Variants in LUC7L observed in about 807,000 individuals in gnomAD.
LUC7L encodes LUC7 like.
In LUC7L, 29 loss-of-function variants were observed where a neutral mutation model predicts 51.1. That is an observed-to-expected ratio of 0.57 (90% CI 0.42 to 0.77). The LOEUF (loss-of-function observed/expected upper bound fraction) is 0.77, where lower values mean the gene tolerates loss of function less well. Ranked by LOEUF, LUC7L falls within the 30% of genes least tolerant of loss-of-function variation. The probability of loss-of-function intolerance (pLI) is 0.00; values close to 1 mark genes in which losing one functional copy is unlikely to be tolerated. For synonymous variants in LUC7L, 181 were observed against 180.7 expected (o/e 1.00, Z -0.01); for missense variants, 403 against 511.9 (o/e 0.79, Z 2.05).
intron 8 of LUC7L, 74 bp downstream of exon 8, chr16:190,467 T>C (rs2048982629): frequency 3.9e-5 from 57 of 1,467,714 alleles, no homozygotes; most frequent in Non-Finnish European, 4.6e-5. Context: ...TGTAAAGGCA[T>C]AATCATTAAA....
chr16:191,953 A>G (rs1425604995), intron 7 of LUC7L, among the ~76,000 whole-genome samples: 1 of 152,106 alleles, frequency 6.6e-6, no homozygotes, highest in African/African-American at 2.4e-5. Flanking sequence ...GAGGATGTGG[A>G]TACTTCTGGC....
At position 205,993 on chromosome 16, in the gene LUC7L, A is replaced by C. The variant is rs758451429; in HGVS notation, c.510+11T>G. 1.9e-6 allele frequency: 3 copies of C among 1,607,676 alleles called. No homozygotes were observed. In the Admixed American group the frequency reaches 5.2e-5, roughly 28 times the overall value. Reference sequence around the variant, plus strand: ...AGATTTCTCTTGCCCTAAGGCACTTATCTCACCAACCTCAGCTTCTTTTTT... The same window carrying C: ...AGATTTCTCTTGCCCTAAGGCACTTCTCTCACCAACCTCAGCTTCTTTTTT... On this transcript the variant is annotated intron_variant, in intron 5 of 9. Transcript: ENST00000293872.
chr16:221,080 C>G (rs910314511), intron 2 of LUC7L, among the ~76,000 whole-genome samples: 1 of 151,868 alleles, frequency 6.6e-6, no homozygotes, highest in Non-Finnish European at 1.5e-5. Context: ...AGTACAGTGG[C>G]GCGACCTCAG....
intron 2 of LUC7L, 44 bp from the exon 3 acceptor site, chr16:220,791 C>T: frequency 7.6e-7 from 1 of 1,307,710 alleles, no homozygotes; most frequent in South Asian, 1.2e-5. Flanking sequence ...TGCCTACCTA[C>T]TGTAGAAAGC....
chr16:228,468 T>C, intron 1 of LUC7L: 2 of 1,251,390 alleles, frequency 1.6e-6, no homozygotes, highest in Non-Finnish European at 2.1e-6. Context: ...TGGGAAGCAA[T>C]TCAAAAGCAA....
chr16:203,636 A>G (rs1011007137), intron 5 of LUC7L, among the ~76,000 whole-genome samples: 4 of 150,580 alleles, frequency 2.7e-5, no homozygotes, highest in Non-Finnish European at 4.4e-5. Context: ...TGAGCCCAGG[A>G]GATCAAGCCT....
At chr16:207,667 G>A (rs924601254) in intron 4 of LUC7L, among the ~76,000 whole-genome samples, 1 of 151,888 alleles carries the variant, frequency 6.6e-6, no homozygotes, top group Middle Eastern at 3.2e-3. Flanking sequence ...CTTAACTGGA[G>A]TAAGGCAGAG....
At chr16:228,504 G>A in intron 1 of LUC7L, 1 of 1,230,432 alleles carries the variant, frequency 8.1e-7, no homozygotes, top group Non-Finnish European at 1.0e-6. Flanking sequence ...AAGCTAAAAA[G>A]CACTTATTCA....
intron 1 of LUC7L, chr16:228,867 C>G: frequency 1.1e-5 from 14 of 1,305,962 alleles, no homozygotes; most frequent in Non-Finnish European, 1.4e-5. Flanking sequence ...GCCCATCCGG[C>G]TCCCTCGGGT....
At chr16:229,059 G>A (rs531781079) in intron 1 of LUC7L, 4 of 1,418,744 alleles carry the variant, frequency 2.8e-6, no homozygotes, top group Non-Finnish European at 3.7e-6. Flanking sequence ...CCCATCCATG[G>A]CGCAGACTCC....
chr16:224,710 A>G (rs777902012), intron 2 of LUC7L, among the ~76,000 whole-genome samples: 81 of 145,438 alleles, frequency 5.6e-4, no homozygotes, highest in Admixed American at 1.8e-3. Context: ...GCGGGCGCCT[A>G]TAATCCCAGC....
In LUC7L at chr16:208,185, T is replaced by C. The variant is rs141056928; in HGVS notation, c.259A>G (p.Met87Val). The change falls in exon 4 of 10, where the codon ATG becomes GTG. Residue 87 changes from methionine (M) to valine (V), a missense_variant. Coordinates refer to ENST00000293872, the MANE Select transcript of LUC7L (RefSeq NM_201412.3). ...GCAATAAAGGACTCCAAGTGATCCA[T>C]TGCCTAGCACGGGAAAAGCACAGCG... ...ERDLFFELDA[M>V]DHLESFIAEC... is the part of the protein sequence containing the mutation. The C allele has an allele frequency of 8.9e-4, 1,438 of 1,607,154 alleles. 1 individual carries two copies. Among genetic ancestry groups the C allele is most frequent in the Admixed American group, 1.4e-3 (85 of 59,676 alleles).
intron 2 of LUC7L, among the ~76,000 whole-genome samples, chr16:221,194 T>C (rs907354757): frequency 4.0e-5 from 2 of 50,360 alleles, no homozygotes; most frequent in African/African-American, 6.2e-5. Context: ...TAATTTTTTT[T>C]TTTTTTTTTT....
At chr16:206,338 A>G (rs2049483533) in intron 4 of LUC7L, among the ~76,000 whole-genome samples, 191 bp from the exon 5 acceptor site, 1 of 152,216 alleles carries the variant, frequency 6.6e-6, no homozygotes, top group South Asian at 2.1e-4. Context: ...GTTCCAATGA[A>G]ACCAGTGGCA....
In LUC7L at chr16:189,252, G is replaced by A; in HGVS notation, c.1062C>T (p.Ser354=). The A allele has an allele frequency of 6.2e-7, 1 of 1,613,938 alleles. No homozygotes were observed. The highest frequency in any genetic ancestry group is 1.1e-5 in the South Asian group (1 of 91,042). ...ACCTCCGTGAAGCCATCTTCCCGTTGGAGCTCTCAAGCCTCCAGTCCGGGG... is the reference window on the plus strand; with the variant it reads ...ACCTCCGTGAAGCCATCTTCCCGTTAGAGCTCTCAAGCCTCCAGTCCGGGG... ...RGPPDWRLES[S]NGKMASRRSE... Residue 354 remains serine, a synonymous_variant, in exon 10 of 10, where the codon TCC becomes TCT. Coordinates refer to ENST00000293872, the MANE Select transcript of LUC7L (RefSeq NM_201412.3).
intron 7 of LUC7L, 62 bp downstream of exon 7, chr16:192,865 T>A: frequency 1.4e-6 from 2 of 1,398,138 alleles, no homozygotes; most frequent in South Asian, 1.1e-5. Context: ...AACAGTGGAA[T>A]GGACCGAGCA....
chr16:213,860 G>T (rs773285608), intron 3 of LUC7L, among the ~76,000 whole-genome samples: 30 of 152,000 alleles, frequency 2.0e-4, no homozygotes, highest in Non-Finnish European at 3.8e-4. Flanking sequence ...GATTACAGGT[G>T]CCCACCATCA....
rs2049179975 is a variant in LUC7L at position 197,309 on chromosome 16, G to A, written c.687+1753C>T. Among the ~76,000 whole-genome samples the A allele has an allele frequency of 2.0e-5, 3 of 146,880 alleles. No homozygotes were observed. The South Asian group carries it at 6.5e-4, about 32-fold the overall frequency. On this transcript the variant is annotated intron_variant, in intron 6 of 9. Coordinates refer to ENST00000293872, the MANE Select transcript of LUC7L (RefSeq NM_201412.3). ...GCTCACTGCTACCTCTGCCTCCCAGGTCAAGCAATTATCCTGCCTCAGCCT... is the reference window on the plus strand; with the variant it reads ...GCTCACTGCTACCTCTGCCTCCCAGATCAAGCAATTATCCTGCCTCAGCCT...
intron 7 of LUC7L, among the ~76,000 whole-genome samples, chr16:191,769 CA>C (rs1386527827): frequency 6.6e-6 from 1 of 152,166 alleles, no homozygotes; most frequent in Non-Finnish European, 1.5e-5. Flanking sequence ...CGCTTGAACC[CA>C]GGGGGTGGAG....
Sources: allele counts gnomAD v4.1 joint callset (sites outside exome capture counted in the v4.1 genomes callset), GRCh38; gene constraint gnomAD v4.1.1; transcripts MANE v1.5; gene names NCBI Gene and HGNC (gene_info 2026-07-23, HGNC 2026-07-21).